Variants in SCAMP5 observed in about 807,000 individuals in gnomAD.
SCAMP5 encodes secretory carrier-associated membrane protein 5.
A neutral mutation model predicts 28.3 loss-of-function variants in SCAMP5; 7 were observed. That is an observed-to-expected ratio of 0.25 (90% CI 0.14 to 0.46). The LOEUF (loss-of-function observed/expected upper bound fraction) is 0.46, where lower values mean the gene tolerates loss of function less well. Ranked by LOEUF, SCAMP5 falls within the 20% of genes least tolerant of loss-of-function variation. The probability of loss-of-function intolerance (pLI) is 0.99; values close to 1 mark genes in which losing one functional copy is unlikely to be tolerated. For synonymous variants in SCAMP5, 117 were observed against 116.4 expected (o/e 1.00, Z -0.03); for missense variants, 192 against 312.5 (o/e 0.61, Z 2.91).
chr15:75,015,736 G>A (rs2065853318), intron 3 of SCAMP5, among the ~76,000 whole-genome samples: 1 of 152,068 alleles, frequency 6.6e-6, no homozygotes, highest in African/African-American at 2.4e-5. Flanking sequence ...GACCAGCCTG[G>A]CCAACTTGGC....
chr15:75,001,578 C>T (rs1434385838), intron 1 of SCAMP5, among the ~76,000 whole-genome samples: 2 of 151,504 alleles, frequency 1.3e-5, no homozygotes, highest in African/African-American at 4.9e-5. Context: ...GAGTTCAAGA[C>T]AAACCTAGGC....
chr15:74,996,836 T>A lies in SCAMP5; in HGVS notation c.-49+1163T>A, dbSNP rs1255742223. 6.6e-6 allele frequency among the ~76,000 whole-genome samples: 1 copy of A among 152,154 alleles called. No individual in the cohort carries two copies. Among genetic ancestry groups the A allele is most frequent in the Non-Finnish European group, 1.5e-5 (1 of 68,032 alleles). The stretch of plus-strand genomic sequence containing the variant: ...TTGCTAACTTAGGTTTGTTCTGGGC[T>A]TGGTGAGCCTTAGGGCAAAGTCTCT... On this transcript the variant is annotated intron_variant, in intron 1 of 6. Transcript: ENST00000425597. This position sits in a 1 kb window ranked among gnomAD's most constrained non-coding sequence, Gnocchi z 4.1.
Position 75,016,735 on chromosome 15 carries a change from T to G in SCAMP5, c.279T>G (p.Ile93Met). ...CCTACGTCTGCTGGTTTCGGCCCAT[T>G]TACAAGGCCTTCAAGTAAGTGGTTG... ...PCSYVCWFRP[I>M]YKAFKTDSSF... is the part of the protein sequence containing the mutation. Residue 93 changes from isoleucine (I) to methionine (M), a missense_variant, in exon 4 of 7, where the codon ATT becomes ATG. By Grantham distance (10) the Ile-to-Met change is conservative. Transcript: ENST00000425597. The G allele has an allele frequency of 6.2e-7, 1 of 1,613,656 alleles. No homozygotes were observed. The highest frequency in any genetic ancestry group is 8.5e-7 in the Non-Finnish European group (1 of 1,179,744).
chr15:75,013,514 C>G (rs868283893), intron 3 of SCAMP5, among the ~76,000 whole-genome samples: 1 of 152,098 alleles, frequency 6.6e-6, no homozygotes, highest in African/African-American at 2.4e-5. Context: ...GCCTAGGCAA[C>G]ACAGCAAGAC....
chr15:75,007,993 C>T (rs973075203), intron 1 of SCAMP5, among the ~76,000 whole-genome samples: 6 of 152,144 alleles, frequency 3.9e-5, no homozygotes, highest in Admixed American at 3.9e-4. Context: ...AACCACTGCA[C>T]CCGGCCTGTT....
chr15:75,006,301 C>T (rs976283546), intron 1 of SCAMP5, among the ~76,000 whole-genome samples: 1 of 151,872 alleles, frequency 6.6e-6, no homozygotes, highest in Non-Finnish European at 1.5e-5. Context: ...CAGGCCCTCC[C>T]TCTCTTTTAA....
At position 74,996,906 on chromosome 15, in the gene SCAMP5, G is replaced by T. The variant is rs1420760304; in HGVS notation, c.-49+1233G>T. On this transcript the variant is annotated intron_variant, in intron 1 of 6. Coordinates refer to ENST00000425597, the MANE Select transcript of SCAMP5 (RefSeq NM_138967.4). The surrounding 1 kb of genome is among the most constrained non-coding windows in gnomAD (Gnocchi z 4.1). Reference sequence around the variant, plus strand: ...CTCTGGTGAATGGGCCCCTGAAAGAGGGTCTTAGGTTTAGCAAACCCCTTG... The same window carrying T: ...CTCTGGTGAATGGGCCCCTGAAAGATGGTCTTAGGTTTAGCAAACCCCTTG... 1.3e-5 allele frequency among the ~76,000 whole-genome samples: 2 copies of T among 152,158 alleles called. No individual in the cohort carries two copies. The highest frequency in any genetic ancestry group is 3.8e-4 in the East Asian group (2 of 5,196).
chr15:75,002,033 G>C (rs2065714553), intron 1 of SCAMP5, among the ~76,000 whole-genome samples: 1 of 152,130 alleles, frequency 6.6e-6, no homozygotes, highest in African/African-American at 2.4e-5. Context: ...TTGAGTGTAG[G>C]AGGTTGAGGC....
intron 1 of SCAMP5, among the ~76,000 whole-genome samples, chr15:74,998,739 C>T (rs1230508914): frequency 1.3e-5 from 2 of 151,436 alleles, no homozygotes; most frequent in African/African-American, 4.9e-5. Flanking sequence ...ATTTCTGTGA[C>T]CCTAGTCTTT....
intron 1 of SCAMP5, among the ~76,000 whole-genome samples, chr15:74,999,914 G>A (rs1012050358): frequency 6.6e-6 from 1 of 152,176 alleles, no homozygotes; most frequent in Non-Finnish European, 1.5e-5. Flanking sequence ...AAAAGATTGA[G>A]ATAGATCTGT....
At chr15:75,002,641 C>T (rs2065720562) in intron 1 of SCAMP5, among the ~76,000 whole-genome samples, 1 of 151,982 alleles carries the variant, frequency 6.6e-6, no homozygotes, top group South Asian at 2.1e-4. Context: ...TTTGTCCAAT[C>T]TCTGCCCCTG....
chr15:75,014,285 G>A (rs147347276), intron 3 of SCAMP5, among the ~76,000 whole-genome samples: 57 of 152,126 alleles, frequency 3.7e-4, no homozygotes, highest in Admixed American at 9.2e-4. Flanking sequence ...AGTGAAGAAG[G>A]GATCTCCCAC....
At chr15:75,006,928 C>T (rs532892744) in intron 1 of SCAMP5, among the ~76,000 whole-genome samples, 4 of 152,170 alleles carry the variant, frequency 2.6e-5, no homozygotes, top group South Asian at 4.1e-4. Context: ...GGCAACAGAG[C>T]GCGACTCTGT....
intron 3 of SCAMP5, among the ~76,000 whole-genome samples, chr15:75,013,449 G>A (rs138776365): frequency 1.1e-4 from 16 of 152,212 alleles, no homozygotes; most frequent in Non-Finnish European, 2.2e-4. Flanking sequence ...CTGTGATCCC[G>A]GCACTTTGGG....
chr15:74,998,771 A>G (rs1426437078), intron 1 of SCAMP5, among the ~76,000 whole-genome samples: 1 of 151,552 alleles, frequency 6.6e-6, no homozygotes. Flanking sequence ...CAAGCCCCAG[A>G]TTCTCTCTGC....
intron 1 of SCAMP5, among the ~76,000 whole-genome samples, chr15:75,000,103 A>C (rs2065689904): frequency 6.6e-6 from 1 of 152,242 alleles, no homozygotes; most frequent in African/African-American, 2.4e-5. Context: ...GCATCTGAGA[A>C]AGTGGATTTT....
Position 75,011,796 on chromosome 15 carries a change from G to A in SCAMP5, c.-44G>A, listed in dbSNP as rs1314138868. The A allele has an allele frequency of 1.4e-5, 23 of 1,600,656 alleles. No individual in the cohort carries two copies. Among genetic ancestry groups the A allele is most frequent in the Non-Finnish European group, 2.0e-5 (23 of 1,168,358 alleles). On this transcript the variant is annotated 5_prime_UTR_variant, in exon 2 of 7. Coordinates refer to ENST00000425597, the MANE Select transcript of SCAMP5 (RefSeq NM_138967.4). ...CTGGCTTTTCTTTCCTTGCAGTTCA[G>A]GACAAAGAGGTGTGGGCAGGCCACT... is the stretch of plus-strand genomic sequence containing the variant.
At chr15:75,016,479 T>C (rs2065860352) in intron 3 of SCAMP5, 114 bp from the exon 4 acceptor site, 9 of 950,752 alleles carry the variant, frequency 9.5e-6, no homozygotes, top group Admixed American at 4.5e-5. Flanking sequence ...CCTGGCTTGA[T>C]TGTGGGTCTC....
chr15:75,011,972 A>G (rs1201680783), intron 2 of SCAMP5, 126 bp downstream of exon 2: 1 of 683,740 alleles, frequency 1.5e-6, no homozygotes, highest in Non-Finnish European at 2.5e-6. Context: ...ACTGTCCCCA[A>G]GCTTTCCCCA....
Sources: gnomAD v4.1 joint callset for allele counts (sites outside exome capture counted in the v4.1 genomes callset) on GRCh38, gnomAD v4.1.1 for gene constraint, Gnocchi (gnomAD v3.1) non-coding constraint, MANE v1.5 for transcripts, NCBI Gene and HGNC (gene_info 2026-07-23, HGNC 2026-07-21) for gene names.